Variants in SDK1 observed in about 807,000 individuals in gnomAD.
SDK1 encodes protein sidekick-1.
A neutral mutation model predicts 245.5 loss-of-function variants in SDK1; 157 were observed. That is an observed-to-expected ratio of 0.64 (90% CI 0.56 to 0.73). The LOEUF is 0.73. Among genes scored for constraint, SDK1 ranks in the 30% least tolerant of loss-of-function variants. The pLI, the probability that SDK1 is intolerant of heterozygous loss-of-function variation, is 0.00. For synonymous variants in SDK1, 1,647 were observed against 1,278.5 expected (o/e 1.29, Z -6.15); for missense variants, 3,583 against 3,002.3 (o/e 1.19, Z -4.52).
intron 1 of SDK1, among the ~76,000 whole-genome samples, chr7:3,488,576 A>G (rs922563558): frequency 2.0e-5 from 3 of 152,194 alleles, no homozygotes; most frequent in Non-Finnish European, 4.4e-5. Flanking sequence ...GTCTTCCATG[A>G]TCACAAAATG....
chr7:4,000,992 T>C (rs1785033550), intron 14 of SDK1, among the ~76,000 whole-genome samples: 1 of 152,188 alleles, frequency 6.6e-6, no homozygotes, highest in Non-Finnish European at 1.5e-5. Flanking sequence ...GTTAGCTTCC[T>C]GCCCTCACCA....
intron 1 of SDK1, among the ~76,000 whole-genome samples, chr7:3,606,922 T>C (rs552909364): frequency 6.6e-6 from 1 of 152,194 alleles, no homozygotes; most frequent in South Asian, 2.1e-4. Flanking sequence ...GAAAAAAGTG[T>C]TATGTACAAA....
intron 1 of SDK1, among the ~76,000 whole-genome samples, chr7:3,581,459 A>G (rs907351406): frequency 2.0e-5 from 3 of 152,230 alleles, no homozygotes; most frequent in African/African-American, 4.8e-5. Flanking sequence ...GCCATCTCAC[A>G]TTAGTCAGAA....
chr7:3,820,331 G>A (rs2115058803), intron 4 of SDK1, among the ~76,000 whole-genome samples: 1 of 152,254 alleles, frequency 6.6e-6, no homozygotes, highest in Non-Finnish European at 1.5e-5. Context: ...TGTATTTTCA[G>A]TAGAGATGAG....
At chr7:3,637,826 A>C (rs1187813122) in intron 2 of SDK1, among the ~76,000 whole-genome samples, 1 of 152,250 alleles carries the variant, frequency 6.6e-6, no homozygotes, top group Non-Finnish European at 1.5e-5. Context: ...AAAGGAAGTG[A>C]ATACATTGTG....
intron 1 of SDK1, among the ~76,000 whole-genome samples, chr7:3,358,283 A>G (rs1017304211): frequency 3.3e-5 from 5 of 152,156 alleles, no homozygotes; most frequent in Non-Finnish European, 7.3e-5. Flanking sequence ...CAGCCTCCCA[A>G]AGTGCTGGGA....
rs1292199670 is a variant in SDK1 at position 3,418,145 on chromosome 7, G to GCA, written c.298+116261_298+116262insCA. Reference sequence around the variant, plus strand: ...GTGAAACCCGATCTCTACTAAAAATGAAAAAAAAAAAAAAAAAAAAAAATA... The same window carrying GCA: ...GTGAAACCCGATCTCTACTAAAAATGCAAAAAAAAAAAAAAAAAAAAAAAATA... On this transcript the variant is annotated intron_variant, in intron 1 of 44. Coordinates refer to ENST00000404826, the MANE Select transcript of SDK1 (RefSeq NM_152744.4). 1.6e-4 allele frequency among the ~76,000 whole-genome samples: 19 copies of GCA among 119,728 alleles called. 1 individual carries two copies. The South Asian group carries it at 2.3e-3, about 14-fold the overall frequency. The allele number at this position is 119,728 out of a possible 152,430, so 78.5% of individuals were successfully genotyped here. A position where few individuals can be genotyped will look rare whatever the true frequency, so the allele number is the denominator to read the frequency against.
At chr7:3,846,600 G>A (rs1267474337) in intron 5 of SDK1, among the ~76,000 whole-genome samples, 1 of 152,188 alleles carries the variant, frequency 6.6e-6, no homozygotes, top group Non-Finnish European at 1.5e-5. Flanking sequence ...ACATATGTAT[G>A]TGGACTCATT....
rs529524053 is a variant in SDK1, at chr7:3,668,931, C to T, written c.713+26826C>T. The stretch of plus-strand genomic sequence containing the variant: ...TCAGGAGAAGGAGCCATAGACCTGT[C>T]CCTGTGTGACGTCATGGGAGGCTCT... On this transcript the variant is annotated intron_variant, in intron 4 of 44. Coordinates refer to ENST00000404826, the MANE Select transcript of SDK1 (RefSeq NM_152744.4). 2.6e-5 allele frequency among the ~76,000 whole-genome samples: 4 copies of T among 152,308 alleles called. No individual in the cohort carries two copies. The South Asian group carries it at 6.2e-4, about 24-fold the overall frequency.
At chr7:3,941,995 G>A (rs561798815) in intron 5 of SDK1, among the ~76,000 whole-genome samples, 1 of 144,384 alleles carries the variant, frequency 6.9e-6, no homozygotes, top group African/African-American at 2.6e-5. Context: ...CTCAAGCTCC[G>A]CCTCCCAGGT....
chr7:3,666,213 C>T (rs978659825), intron 4 of SDK1, among the ~76,000 whole-genome samples: 6 of 152,172 alleles, frequency 3.9e-5, no homozygotes, highest in Admixed American at 2.6e-4. Context: ...AGATGAAGTT[C>T]GAGCACTGGT....
chr7:4,202,693 C>A (rs903462745), intron 35 of SDK1, among the ~76,000 whole-genome samples: 3 of 152,232 alleles, frequency 2.0e-5, no homozygotes, highest in African/African-American at 7.2e-5. Context: ...TCCTACAGCT[C>A]TGAAACTTTT....
chr7:4,151,575 C>G (rs1301409047), intron 30 of SDK1, among the ~76,000 whole-genome samples: 1 of 152,180 alleles, frequency 6.6e-6, no homozygotes, highest in African/African-American at 2.4e-5. Flanking sequence ...CCCTGGTGAT[C>G]TAGTCACTCA....
intron 1 of SDK1, among the ~76,000 whole-genome samples, chr7:3,304,647 G>T (rs1173224521): frequency 6.6e-6 from 1 of 152,140 alleles, no homozygotes; most frequent in Non-Finnish European, 1.5e-5. Context: ...ATTTGATGAA[G>T]CTGTAGAGTA....
At chr7:3,605,319 C>T (rs565357507) in intron 1 of SDK1, among the ~76,000 whole-genome samples, 24 of 152,288 alleles carry the variant, frequency 1.6e-4, no homozygotes, top group Admixed American at 1.4e-3. Context: ...AGAAAGCATA[C>T]GTAGCTCAGT....
chr7:3,643,571 C>A (rs1227181235), intron 4 of SDK1: 1 of 149,856 alleles, frequency 6.7e-6, no homozygotes, highest in African/African-American at 2.5e-5. Flanking sequence ...GGAGTCCCTT[C>A]CCTAAACCTG....
At chr7:3,847,438 C>G (rs961311624) in intron 5 of SDK1, among the ~76,000 whole-genome samples, 8 of 152,202 alleles carry the variant, frequency 5.3e-5, no homozygotes, top group Non-Finnish European at 5.9e-5. Context: ...CTTTAACAAG[C>G]TATGCTGAGG....
intron 4 of SDK1, among the ~76,000 whole-genome samples, chr7:3,663,812 A>C (rs1188381282): frequency 6.6e-6 from 1 of 152,194 alleles, no homozygotes; most frequent in Non-Finnish European, 1.5e-5. Context: ...TAGAAAACTA[A>C]ATCTAAGATT....
chr7:3,491,602 A>G (rs1329078881), intron 1 of SDK1, among the ~76,000 whole-genome samples: 2 of 152,226 alleles, frequency 1.3e-5, no homozygotes, highest in Non-Finnish European at 2.9e-5. Context: ...ATTTACTTAG[A>G]AAGGGAAATA....
Sources: allele counts gnomAD v4.1 joint callset (sites outside exome capture counted in the v4.1 genomes callset), GRCh38; gene constraint gnomAD v4.1.1; transcripts MANE v1.5; gene names NCBI Gene and HGNC (gene_info 2026-07-23, HGNC 2026-07-21).